Variants in NAALADL2 observed in about 807,000 individuals in gnomAD.
NAALADL2 encodes inactive N-acetylated-alpha-linked acidic dipeptidase-like protein 2.
A neutral mutation model predicts 87.2 loss-of-function variants in NAALADL2; 76 were observed. The observed-to-expected ratio is 0.87, with a 90% CI of 0.72 to 1.05. The LOEUF is 1.05. Among genes scored for constraint, NAALADL2 ranks in the 50% least tolerant of loss-of-function variants. The probability of loss-of-function intolerance (pLI) is 0.00; values close to 1 mark genes in which losing one functional copy is unlikely to be tolerated. For missense variants in NAALADL2, 1,089 were observed against 945.8 expected (o/e 1.15, Z -1.99); for synonymous variants, 354 against 331.0 (o/e 1.07, Z -0.75).
At chr3:175,177,336 G>A (rs932789824) in intron 2 of NAALADL2, among the ~76,000 whole-genome samples, 1 of 151,800 alleles carries the variant, frequency 6.6e-6, no homozygotes. Context: ...TATTGCTGTC[G>A]GGCTTTTCAC....
chr3:175,802,149 T>TA (rs5854659), intron 13 of NAALADL2, among the ~76,000 whole-genome samples: 65,818 of 151,854 alleles, frequency 0.43, 17,455 homozygotes, highest in African/African-American at 0.75. Context: ...TGTGTATTAA[T>TA]TTTCTAAAGT....
intron 5 of NAALADL2, among the ~76,000 whole-genome samples, chr3:175,368,841 G>T (rs1024163907): frequency 1.2e-4 from 18 of 151,950 alleles, no homozygotes; most frequent in Admixed American, 1.0e-3. Context: ...CAATGCAGTG[G>T]TATTTGTATA....
chr3:175,296,377 A>G (rs1468330572), intron 4 of NAALADL2, among the ~76,000 whole-genome samples: 1 of 152,128 alleles, frequency 6.6e-6, no homozygotes, highest in Non-Finnish European at 1.5e-5. Flanking sequence ...AATCTATCTC[A>G]AGGGCTCAGA....
intron 2 of NAALADL2, among the ~76,000 whole-genome samples, chr3:175,225,350 T>C (rs1744004803): frequency 6.6e-6 from 1 of 152,144 alleles, no homozygotes; most frequent in African/African-American, 2.4e-5. Flanking sequence ...AAGGTATATT[T>C]ACTTAGTAAA....
intron 1 of NAALADL2, among the ~76,000 whole-genome samples, chr3:174,874,974 C>T (rs532140402): frequency 7.1e-4 from 107 of 151,734 alleles, no homozygotes; most frequent in Non-Finnish European, 1.4e-3. Flanking sequence ...ATTAGCTGGA[C>T]GTGGTGGCAT....
intron 9 of NAALADL2, among the ~76,000 whole-genome samples, chr3:175,503,469 T>C (rs1261894972): frequency 6.6e-6 from 1 of 152,158 alleles, no homozygotes; most frequent in East Asian, 1.9e-4. Context: ...CTAGGTGGAA[T>C]GGTAATTCTG....
chr3:175,393,803 C>T (rs1381281207), intron 5 of NAALADL2, among the ~76,000 whole-genome samples: 1 of 152,116 alleles, frequency 6.6e-6, no homozygotes, highest in East Asian at 1.9e-4. Context: ...CGCTCTTGTC[C>T]AACACACTAT....
At chr3:175,560,973 G>A (rs1207006483) in intron 9 of NAALADL2, among the ~76,000 whole-genome samples, 1 of 152,134 alleles carries the variant, frequency 6.6e-6, no homozygotes, top group African/African-American at 2.4e-5. Context: ...GGAAAGTAAG[G>A]CGAGACGACA....
chr3:175,577,483 G>T (rs1247006782), intron 10 of NAALADL2, among the ~76,000 whole-genome samples: 3 of 152,126 alleles, frequency 2.0e-5, no homozygotes, highest in African/African-American at 7.2e-5. Context: ...ATTTGATGAG[G>T]ATCAGCTGGA....
intron 2 of NAALADL2, among the ~76,000 whole-genome samples, chr3:175,211,345 A>G (rs1292893818): frequency 6.6e-6 from 1 of 151,950 alleles, no homozygotes; most frequent in African/African-American, 2.4e-5. Flanking sequence ...TTTCCAGGGA[A>G]GGCATTCCAG....
At chr3:175,502,415 AG>A (rs370785049) in intron 9 of NAALADL2, among the ~76,000 whole-genome samples, 76 of 152,314 alleles carry the variant, frequency 5.0e-4, no homozygotes, top group African/African-American at 1.7e-3. Context: ...CAATGCGACA[AG>A]TAAGAGTCAG....
chr3:174,977,092 T>C (rs1005959598), intron 1 of NAALADL2, among the ~76,000 whole-genome samples: 1 of 152,118 alleles, frequency 6.6e-6, no homozygotes, highest in Non-Finnish European at 1.5e-5. Flanking sequence ...GATGTAAAAA[T>C]ATGACATTTT....
At chr3:175,194,681 A>G (rs1002296167) in intron 2 of NAALADL2, among the ~76,000 whole-genome samples, 12 of 151,834 alleles carry the variant, frequency 7.9e-5, no homozygotes, top group African/African-American at 2.7e-4. Flanking sequence ...TATTTTTAAA[A>G]TTAATGGCAT....
intron 10 of NAALADL2, among the ~76,000 whole-genome samples, chr3:175,581,579 C>T (rs1560795567): frequency 6.6e-6 from 1 of 152,086 alleles, no homozygotes; most frequent in Non-Finnish European, 1.5e-5. Flanking sequence ...CATATAATGA[C>T]AAGTATTTTT....
chr3:175,563,528 T>C (rs1343118262), intron 9 of NAALADL2, among the ~76,000 whole-genome samples: 1 of 152,236 alleles, frequency 6.6e-6, no homozygotes, highest in Non-Finnish European at 1.5e-5. Flanking sequence ...ATGGTGTTTG[T>C]ATAGTTCTAA....
chr3:174,863,942 C>T, intron 1 of NAALADL2: 1 of 404,556 alleles, frequency 2.5e-6, no homozygotes. Context: ...TGAGGAATTT[C>T]AGAGTTGACA....
At chr3:174,730,631 G>A (rs564642967) in intron 2 of NAALADL2, among the ~76,000 whole-genome samples, 1 of 152,166 alleles carries the variant, frequency 6.6e-6, no homozygotes, top group Non-Finnish European at 1.5e-5. Context: ...GAAATAATGT[G>A]AAGTTTCTAG....
chr3:175,703,126 CAATT>C (rs1373713116), intron 11 of NAALADL2, among the ~76,000 whole-genome samples: 3 of 152,124 alleles, frequency 2.0e-5, no homozygotes, highest in South Asian at 4.1e-4. Context: ...GTTAGAATAA[CAATT>C]AAAACTCACT....
intron 3 of NAALADL2, among the ~76,000 whole-genome samples, chr3:175,253,619 G>C (rs966363800): frequency 1.3e-5 from 2 of 152,134 alleles, no homozygotes; most frequent in African/African-American, 4.8e-5. Context: ...AGCTTCCCCA[G>C]ATAGTGATTC....
Sources: gnomAD v4.1 joint callset for allele counts (sites outside exome capture counted in the v4.1 genomes callset) on GRCh38, gnomAD v4.1.1 for gene constraint, MANE v1.5 for transcripts, NCBI Gene and HGNC (gene_info 2026-07-23, HGNC 2026-07-21) for gene names.